The following PTPRD variants were observed in gnomAD, a reference collection of about 807,000 sequenced individuals.
PTPRD encodes the protein protein tyrosine phosphatase receptor type D.
Under a neutral mutation model 214.5 loss-of-function variants are expected in PTPRD, and 34 were observed. The observed-to-expected ratio is 0.16, with a 90% confidence interval of 0.12 to 0.21. PTPRD has a LOEUF of 0.21. Ranked by LOEUF, PTPRD falls within the 10% of genes least tolerant of loss-of-function variation. PTPRD has a pLI of 1.00. For missense variants in PTPRD, 2,545 were observed against 2,398.7 expected (o/e 1.06, Z -1.27); for synonymous variants, 1,128 against 845.7 (o/e 1.33, Z -5.79).
At position 9,252,208 on chromosome 9, in the gene PTPRD, A is replaced by G. The variant is rs560248919; in HGVS notation, c.-202-68845T>C. Among the ~76,000 whole-genome samples the G allele has an allele frequency of 1.7e-3, 255 of 152,186 alleles. 1 individual carries two copies. Among genetic ancestry groups the G allele is most frequent in the African/African-American group, 5.9e-3 (247 of 41,564 alleles). On this transcript the variant is annotated intron_variant, in intron 9 of 45. Coordinates refer to ENST00000381196, the MANE Select transcript of PTPRD (RefSeq NM_002839.4). ...TATTTTGGGAAACAGCTGACAAAGAAGAAGCTCCAAAAACAGCATACTTCC... is the reference window on the plus strand; with the variant it reads ...TATTTTGGGAAACAGCTGACAAAGAGGAAGCTCCAAAAACAGCATACTTCC...
At chr9:9,475,884 C>G (rs897979618) in intron 8 of PTPRD, among the ~76,000 whole-genome samples, 1 of 152,044 alleles carries the variant, frequency 6.6e-6, no homozygotes, top group African/African-American at 2.4e-5. Flanking sequence ...TAGGCTTTGG[C>G]CTATGTTATA....
chr9:9,720,118 T>C (rs1161165018), intron 7 of PTPRD, among the ~76,000 whole-genome samples: 1 of 152,178 alleles, frequency 6.6e-6, no homozygotes, highest in Non-Finnish European at 1.5e-5. Flanking sequence ...GCAGAGGTGC[T>C]GTTGACCCCA....
intron 11 of PTPRD, among the ~76,000 whole-genome samples, chr9:8,909,405 A>G (rs2098731291): frequency 6.6e-6 from 1 of 152,192 alleles, no homozygotes; most frequent in Non-Finnish European, 1.5e-5. Flanking sequence ...AATGAATTAT[A>G]TATATTGATC....
At chr9:8,404,395 C>G (rs1404162898) in intron 36 of PTPRD, 142 bp downstream of exon 36, 1 of 1,136,138 alleles carries the variant, frequency 8.8e-7, no homozygotes, top group African/African-American at 1.6e-5. Context: ...TCCCAAAGTG[C>G]TGGGATTACA....
intron 7 of PTPRD, among the ~76,000 whole-genome samples, chr9:9,729,197 C>A (rs1180311722): frequency 1.3e-5 from 2 of 152,106 alleles, no homozygotes; most frequent in East Asian, 3.9e-4. Flanking sequence ...AAACAGAATT[C>A]ATCTGTTGTT....
chr9:9,773,423 C>T (rs1369497740), intron 5 of PTPRD, among the ~76,000 whole-genome samples: 1 of 152,150 alleles, frequency 6.6e-6, no homozygotes, highest in Non-Finnish European at 1.5e-5. Flanking sequence ...CTAATATATA[C>T]ATGATGATTG....
chr9:9,405,316 C>T (rs1475680), intron 8 of PTPRD, among the ~76,000 whole-genome samples: 131,197 of 152,018 alleles, frequency 0.86, 56,778 homozygotes, highest in African/African-American at 0.88. Flanking sequence ...TGCAATGGCT[C>T]CTTGATTAAG....
chr9:9,639,668 T>A (rs1326763), intron 7 of PTPRD, among the ~76,000 whole-genome samples: 2,666 of 152,308 alleles, frequency 0.018, 40 homozygotes, highest in South Asian at 0.025. Context: ...CATAAATACC[T>A]TTGAGGTCCT....
intron 9 of PTPRD, among the ~76,000 whole-genome samples, chr9:9,312,564 T>C (rs2135535013): frequency 6.6e-6 from 1 of 152,252 alleles, no homozygotes; most frequent in Non-Finnish European, 1.5e-5. Flanking sequence ...ATCCCAAAGA[T>C]GTGCATGTTA....
At chr9:10,251,907 T>G (rs747753413) in intron 3 of PTPRD, among the ~76,000 whole-genome samples, 27 of 152,124 alleles carry the variant, frequency 1.8e-4, no homozygotes, top group African/African-American at 6.5e-4. Flanking sequence ...TTTCTGGTGA[T>G]CCATTGCAGA....
intron 12 of PTPRD, among the ~76,000 whole-genome samples, chr9:8,682,354 G>A (rs2097567788): frequency 1.3e-5 from 2 of 152,150 alleles, no homozygotes; most frequent in Admixed American, 6.5e-5. Context: ...GAGGAAGCCT[G>A]AACTTGGGCT....
At chr9:9,138,407 T>C (rs996405830) in intron 10 of PTPRD, among the ~76,000 whole-genome samples, 1 of 152,186 alleles carries the variant, frequency 6.6e-6, no homozygotes, top group Admixed American at 6.5e-5. Context: ...TGAGTACTAT[T>C]TGCACTTAAA....
chr9:10,235,714 C>T (rs993009135), intron 3 of PTPRD, among the ~76,000 whole-genome samples: 3 of 152,028 alleles, frequency 2.0e-5, no homozygotes, highest in African/African-American at 7.2e-5. Context: ...CATTCGTGAT[C>T]TCACTTTATA....
intron 7 of PTPRD, among the ~76,000 whole-genome samples, chr9:9,613,486 G>A (rs1470995864): frequency 6.6e-6 from 1 of 151,930 alleles, no homozygotes; most frequent in East Asian, 1.9e-4. Context: ...CCCTTGTTGT[G>A]AGTTTCTTCA....
intron 11 of PTPRD, among the ~76,000 whole-genome samples, chr9:8,952,167 T>C (rs145967411): frequency 2.3e-3 from 350 of 152,128 alleles, no homozygotes; most frequent in African/African-American, 7.9e-3. Flanking sequence ...GCAGGGACTT[T>C]GTTTTGCTTA....
At chr9:10,348,417 G>C (rs138192370) in intron 2 of PTPRD, among the ~76,000 whole-genome samples, 236 of 152,222 alleles carry the variant, frequency 1.6e-3, no homozygotes, top group African/African-American at 5.4e-3. Context: ...ATTTAAAACA[G>C]GGTTGACAAG....
intron 2 of PTPRD, among the ~76,000 whole-genome samples, chr9:10,516,515 C>A (rs577640622): frequency 6.6e-6 from 1 of 151,936 alleles, no homozygotes; most frequent in Admixed American, 6.6e-5. Flanking sequence ...TCTCCAACTC[C>A]TTAGGTTTCC....
chr9:9,734,335 T>A (rs193074578), intron 7 of PTPRD, among the ~76,000 whole-genome samples, 198 bp downstream of exon 7: 9 of 152,286 alleles, frequency 5.9e-5, no homozygotes, highest in Non-Finnish European at 1.0e-4. Flanking sequence ...CCAAGAAGTA[T>A]CTGGACTTAT....
chr9:9,436,373 G>A (rs1047435643), intron 8 of PTPRD, among the ~76,000 whole-genome samples: 3 of 151,988 alleles, frequency 2.0e-5, no homozygotes, highest in Non-Finnish European at 4.4e-5. Context: ...CTTAGGCTCT[G>A]CTTCTCAGGG....
Sources: gnomAD v4.1 joint callset for allele counts (sites outside exome capture counted in the v4.1 genomes callset) on GRCh38, gnomAD v4.1.1 for gene constraint, MANE v1.5 for transcripts, NCBI Gene and HGNC (gene_info 2026-07-23, HGNC 2026-07-21) for gene names.